Variants in WSCD2 observed in about 807,000 individuals in gnomAD.
The protein encoded by WSCD2 is WSC domain sialate O sulfotransferase 2.
Under a neutral mutation model 55.7 loss-of-function variants are expected in WSCD2, and 28 were observed. The observed-to-expected ratio is 0.50, with a 90% CI of 0.37 to 0.69. WSCD2 has a LOEUF of 0.69. WSCD2 is among the 30% of genes least tolerant of loss of function. WSCD2 has a pLI of 0.00. For synonymous variants in WSCD2, 301 were observed against 301.9 expected, an observed-to-expected ratio of 1.00 and a Z score of 0.03; for missense variants, 616 against 762.1, an observed-to-expected ratio of 0.81 and a Z score of 2.26.
intron 7 of WSCD2, among the ~76,000 whole-genome samples, chr12:108,234,868 A>AT (rs1005318092): frequency 6.6e-6 from 1 of 152,088 alleles, no homozygotes; most frequent in African/African-American, 2.4e-5. Flanking sequence ...ATTCCAATGA[A>AT]TTTTTGCTTA....
chr12:108,195,852 A>T lies in WSCD2; in HGVS notation c.20A>T (p.Lys7Ile), dbSNP rs1883841749. MAKLWFKFQRYFRRKPV... is the reference protein window; with the variant it reads MAKLWFIFQRYFRRKPV... ...CCCACTATGGCCAAGCTCTGGTTCA[A>T]ATTCCAGCGGTACTTCCGCCGGAAA... Residue 7 changes from lysine (K) to isoleucine (I), a missense_variant, in exon 2 of 9, where the codon AAA becomes ATA. Physicochemically the swap from Lys to Ile is moderately radical, Grantham distance 102. Transcript: ENST00000547525. 1.2e-6 allele frequency: 2 copies of T among 1,612,362 alleles called. No individual in the cohort carries two copies. The highest frequency in any genetic ancestry group is 1.7e-5 in the Admixed American group (1 of 59,940).
intron 1 of WSCD2, among the ~76,000 whole-genome samples, chr12:108,137,217 A>C (rs1422951281): frequency 5.2e-4 from 79 of 152,236 alleles, no homozygotes; most frequent in Non-Finnish European, 7.3e-5. Context: ...TGGAACAATT[A>C]GATTAGTTTT....
chr12:108,206,225 G>T, intron 2 of WSCD2, 64 bp from the exon 3 acceptor site: 1 of 1,383,754 alleles, frequency 7.2e-7, no homozygotes. Flanking sequence ...CATTGGTGAG[G>T]CTTCCTCCTG....
intron 1 of WSCD2, among the ~76,000 whole-genome samples, chr12:108,165,954 G>A (rs1262420790): frequency 6.6e-6 from 1 of 152,178 alleles, no homozygotes. Context: ...CATTTGAGAG[G>A]TGTTGAAGCT....
At chr12:108,135,261 G>T (rs1876066535) in intron 1 of WSCD2, among the ~76,000 whole-genome samples, 1 of 152,162 alleles carries the variant, frequency 6.6e-6, no homozygotes, top group African/African-American at 2.4e-5. Context: ...ACTCTGTGCT[G>T]GGCACTGAAG....
At chr12:108,240,205 A>T (rs938501100) in intron 7 of WSCD2, 139 bp from the exon 8 acceptor site, 3 of 1,039,680 alleles carry the variant, frequency 2.9e-6, no homozygotes, top group Non-Finnish European at 2.9e-6. Context: ...TGCCTGGCAC[A>T]TAGTAGGTGC....
At chr12:108,168,146 C>T (rs988449622) in intron 1 of WSCD2, among the ~76,000 whole-genome samples, 2 of 152,214 alleles carry the variant, frequency 1.3e-5, no homozygotes, top group East Asian at 1.9e-4. Flanking sequence ...ATGGGGGCAA[C>T]ATTGACTCGG....
At chr12:108,177,044 A>G (rs1389876231) in intron 1 of WSCD2, among the ~76,000 whole-genome samples, 2 of 152,072 alleles carry the variant, frequency 1.3e-5, no homozygotes, top group Non-Finnish European at 2.9e-5. Flanking sequence ...GTCAGTAGTT[A>G]TAAGCACGAG....
rs527379063 is a variant in WSCD2, at chr12:108,248,307, C to A, written c.1662C>A (p.Asn554Lys). 35 of 1,613,944 alleles carry A rather than the reference C, an allele frequency of 2.2e-5. No individual in the cohort carries two copies. Among genetic ancestry groups the A allele is most frequent in the Admixed American group, 1.8e-4 (11 of 60,034 alleles). ...TGGATGCAGCCCTCAAAGGGCGGAA[C>A]CTAACGGGTGTCCCCGATGACTACT... ...KMVDAALKGR[N>K]LTGVPDDYYP... Residue 554 changes from asparagine to lysine, a missense_variant, in exon 9 of 9, where the codon AAC (asparagine) becomes AAA (lysine). Physicochemically the swap from Asn to Lys is moderately conservative, Grantham distance 94. Coordinates refer to ENST00000547525, the MANE Select transcript of WSCD2 (RefSeq NM_014653.4). The surrounding 1 kb of genome is among the most constrained non-coding windows in gnomAD (Gnocchi z 4.3).
chr12:108,210,468 C>A lies in WSCD2; in HGVS notation c.682+163C>A, dbSNP rs1395499963. Reference sequence around the variant, plus strand: ...TCACCTCTCCCACTCCCTCACAGAGCCCTTTGCCCCAGCTCCTTTGAATGG... The same window carrying A: ...TCACCTCTCCCACTCCCTCACAGAGACCTTTGCCCCAGCTCCTTTGAATGG... On this transcript the variant is annotated intron_variant, in intron 4 of 8. Transcript: ENST00000547525. This position sits in a 1 kb window ranked among gnomAD's most constrained non-coding sequence, Gnocchi z 4.3. Among the ~76,000 whole-genome samples, 1 of 152,210 alleles carries A rather than the reference C, an allele frequency of 6.6e-6. No individual in the cohort carries two copies. The highest frequency in any genetic ancestry group is 1.5e-5 in the Non-Finnish European group (1 of 68,038).
intron 1 of WSCD2, among the ~76,000 whole-genome samples, chr12:108,154,411 T>C (rs1489476407): frequency 6.6e-6 from 1 of 152,210 alleles, no homozygotes; most frequent in Non-Finnish European, 1.5e-5. Flanking sequence ...TCTGTTTCTG[T>C]TGTCTTCTCT....
In WSCD2 at chr12:108,227,048, G is replaced by A. The variant is rs753139024; in HGVS notation, c.863G>A (p.Arg288Gln). Residue 288 changes from arginine to glutamine, a missense_variant, in exon 6 of 9, where the codon CGA (arginine) becomes CAA (glutamine). Physicochemically the swap from Arg to Gln is conservative, Grantham distance 43. Transcript: ENST00000547525. ...TACHCGFPTT[R>Q]FPLHDREDEQ... ...TGCCACTGTGGGTTTCCCACCACCC[G>A]ATTCCCGCTCCATGACAGAGAGGAT... The A allele has an allele frequency of 3.7e-6, 6 of 1,614,192 alleles. No homozygotes were observed. The highest frequency in any genetic ancestry group is 2.2e-5 in the East Asian group (1 of 44,878).
At chr12:108,245,752 C>T (rs1362916609) in intron 8 of WSCD2, among the ~76,000 whole-genome samples, 1 of 152,206 alleles carries the variant, frequency 6.6e-6, no homozygotes, top group African/African-American at 2.4e-5. Flanking sequence ...GAGCATACAA[C>T]ATGCTCAATT....
At chr12:108,247,866 A>G in intron 8 of WSCD2, 125 bp from the exon 9 acceptor site, 1 of 1,107,278 alleles carries the variant, frequency 9.0e-7, no homozygotes, top group Non-Finnish European at 1.3e-6. Flanking sequence ...CTGTATTATT[A>G]CAGTTAATTG....
intron 6 of WSCD2, among the ~76,000 whole-genome samples, chr12:108,230,151 G>GCA (rs1159381030): frequency 6.6e-6 from 1 of 152,132 alleles, no homozygotes; most frequent in Admixed American, 6.5e-5. Context: ...TATTTTAAGT[G>GCA]TACTAGTTAA....
chr12:108,140,116 C>G (rs889571987), intron 1 of WSCD2, among the ~76,000 whole-genome samples: 6 of 152,158 alleles, frequency 3.9e-5, no homozygotes, highest in African/African-American at 1.4e-4. Flanking sequence ...ATGGCATCAT[C>G]CCGAGTCACG....
At chr12:108,174,968 G>A (rs1333782453) in intron 1 of WSCD2, among the ~76,000 whole-genome samples, 1 of 152,202 alleles carries the variant, frequency 6.6e-6, no homozygotes, top group African/African-American at 2.4e-5. Context: ...TGTGGTGGGA[G>A]CCAGGGACAC....
At chr12:108,143,016 G>T (rs920887979) in intron 1 of WSCD2, among the ~76,000 whole-genome samples, 7 of 152,146 alleles carry the variant, frequency 4.6e-5, no homozygotes, top group Non-Finnish European at 7.4e-5. Context: ...GTCTCGCTTT[G>T]TTACACAGGC....
chr12:108,244,377 A>G (rs903188601), intron 8 of WSCD2: 9 of 636,802 alleles, frequency 1.4e-5, no homozygotes. Context: ...CTGCTGAAAC[A>G]GCTTGGATAT....
Sources: allele counts gnomAD v4.1 joint callset (sites outside exome capture counted in the v4.1 genomes callset), GRCh38; gene constraint gnomAD v4.1.1; non-coding constraint Gnocchi (gnomAD v3.1); transcripts MANE v1.5; gene names NCBI Gene and HGNC (gene_info 2026-07-23, HGNC 2026-07-21).